DYSF: variants seen among roughly 807,000 people sequenced by gnomAD.
The protein encoded by DYSF is dysferlin.
DYSF carries 212 observed loss-of-function variants against 274.9 expected under a neutral mutation model. That is an observed-to-expected ratio of 0.77 (90% CI 0.69 to 0.86). The LOEUF is 0.86. DYSF is among the 40% of genes least tolerant of loss of function. The pLI, the probability that DYSF is intolerant of heterozygous loss-of-function variation, is 0.00. For synonymous variants in DYSF, 1,091 were observed against 1,078.7 expected (o/e 1.01, Z -0.22); for missense variants, 2,666 against 2,783.2 (o/e 0.96, Z 0.95).
At chr2:71,631,856 C>T (rs1287089387) in intron 41 of DYSF, among the ~76,000 whole-genome samples, 2 of 151,996 alleles carry the variant, frequency 1.3e-5, no homozygotes, top group African/African-American at 4.8e-5. Context: ...CTGCACACTG[C>T]AGGGGGGACA....
rs559621762 is a variant in DYSF at position 71,658,531 on chromosome 2, A to G, written c.4756-347A>G. Among the ~76,000 whole-genome samples the G allele has an allele frequency of 2.0e-5, 3 of 152,348 alleles. 1 individual carries two copies. Among genetic ancestry groups the G allele is most frequent in the South Asian group, 4.1e-4 (2 of 4,822 alleles). ...GATGAAGACATACCCAAGACTTGGA[A>G]GAAAAAGAGGTTTAATTGAACTTAC... On this transcript the variant is annotated intron_variant, in intron 43 of 55. Coordinates refer to ENST00000410020, the MANE Select transcript of DYSF (RefSeq NM_001130987.2).
At chr2:71,546,208 A>G (rs1219259520) in intron 17 of DYSF, among the ~76,000 whole-genome samples, 1 of 152,192 alleles carries the variant, frequency 6.6e-6, no homozygotes, top group East Asian at 1.9e-4. Flanking sequence ...CCCCCTCAGA[A>G]CGCGTCGCTC....
At chr2:71,652,954 C>T (rs528699298) in intron 42 of DYSF, among the ~76,000 whole-genome samples, 4 of 152,326 alleles carry the variant, frequency 2.6e-5, no homozygotes, top group African/African-American at 7.2e-5. Context: ...TCTTGCCTCA[C>T]GCTGGGTACC....
chr2:71,655,224 A>C, intron 42 of DYSF, among the ~76,000 whole-genome samples: 1 of 152,268 alleles, frequency 6.6e-6, no homozygotes, highest in East Asian at 1.9e-4. Context: ...ATAACTAGTT[A>C]TTTTTGAGAA....
intron 3 of DYSF, among the ~76,000 whole-genome samples, chr2:71,495,792 A>G (rs1319227932): frequency 6.6e-6 from 1 of 152,088 alleles, no homozygotes; most frequent in African/African-American, 2.4e-5. Flanking sequence ...GCCCGGAGTC[A>G]CTGGGGCAGG....
At chr2:71,565,944 A>T (rs943780378) in intron 24 of DYSF, among the ~76,000 whole-genome samples, 1 of 152,170 alleles carries the variant, frequency 6.6e-6, no homozygotes, top group Non-Finnish European at 1.5e-5. Context: ...CTGGAGGCCA[A>T]CTCAAGGCCA....
At chr2:71,600,963 G>A in intron 34 of DYSF, 121 bp downstream of exon 34, 1 of 1,360,916 alleles carries the variant, frequency 7.3e-7, no homozygotes, top group Non-Finnish European at 1.0e-6. Flanking sequence ...CCCATTTTCT[G>A]AACCCTAAGT....
At chr2:71,503,541 A>G (rs1461203993) in intron 4 of DYSF, among the ~76,000 whole-genome samples, 1 of 152,152 alleles carries the variant, frequency 6.6e-6, no homozygotes, top group Non-Finnish European at 1.5e-5. Context: ...GGCTCAAGTC[A>G]GCCTTGGCTC....
chr2:71,553,752 A>AAAG, intron 20 of DYSF, 55 bp from the exon 21 acceptor site: 1 of 267,804 alleles, frequency 3.7e-6, no homozygotes, highest in Non-Finnish European at 6.7e-6. Context: ...TTAGCACCCC[A>AAAG]TCCCACCCGC....
At chr2:71,551,441 C>T (rs945633895) in intron 18 of DYSF, among the ~76,000 whole-genome samples, 166 bp from the exon 19 acceptor site, 3 of 152,206 alleles carry the variant, frequency 2.0e-5, no homozygotes, top group African/African-American at 7.2e-5. Flanking sequence ...GTCATATCCC[C>T]CGAACTCTCT....
In DYSF at chr2:71,481,494, G is replaced by A. The variant is rs145921491; in HGVS notation, c.148-385G>A. Among the ~76,000 whole-genome samples, 1,134 of 152,344 alleles carry A rather than the reference G, an allele frequency of 7.4e-3. 16 individuals carry two copies. Among genetic ancestry groups the A allele is most frequent in the African/African-American group, 0.024 (1,012 of 41,584 alleles). On this transcript the variant is annotated intron_variant, in intron 2 of 55. Transcript: ENST00000410020. The stretch of plus-strand genomic sequence containing the variant: ...CTCGTGCTGCCTACCAGGGCCTGGC[G>A]TCTGGATGAGCCCAATAATCTTGGT...
chr2:71,621,807 G>A (rs1481686713), intron 41 of DYSF, among the ~76,000 whole-genome samples: 1 of 151,818 alleles, frequency 6.6e-6, no homozygotes, highest in African/African-American at 2.4e-5. Context: ...CTACAGGTGC[G>A]CAACACCACA....
chr2:71,571,572 CCA>C (rs1479502704), intron 29 of DYSF, among the ~76,000 whole-genome samples: 42 of 113,966 alleles, frequency 3.7e-4, no homozygotes, highest in African/African-American at 1.4e-3. Flanking sequence ...ATCACACCCA[CCA>C]CACACAGATC....
intron 1 of DYSF, among the ~76,000 whole-genome samples, chr2:71,469,413 G>A (rs1319789671): frequency 6.6e-6 from 1 of 151,366 alleles, no homozygotes; most frequent in Non-Finnish European, 1.5e-5. Context: ...CATAGGTGTT[G>A]TTTCTGTCAA....
At position 71,513,723 on chromosome 2, in the gene DYSF, A is replaced by T. The variant is rs1394054789; in HGVS notation, c.561A>T (p.Gly187=). The T allele has an allele frequency of 2.5e-6, 4 of 1,613,898 alleles. No individual in the cohort carries two copies. In the East Asian group the frequency reaches 8.9e-5, roughly 36 times the overall value. ...AGGGCCCTCTCCTCTTAGACACAGG[A>T]GGAGAGGAAGACACAGAGGACCAGG... is the stretch of plus-strand genomic sequence containing the variant. ...GKKWPAPTDT[G]GEEDTEDQGL... is the part of the protein sequence containing the mutation. Residue 187 remains glycine, a synonymous_variant, in exon 7 of 56, where the codon GGA becomes GGT. Coordinates refer to ENST00000410020, the MANE Select transcript of DYSF (RefSeq NM_001130987.2).
At chr2:71,567,518 C>T (rs941222074) in intron 24 of DYSF, among the ~76,000 whole-genome samples, 2 of 152,184 alleles carry the variant, frequency 1.3e-5, no homozygotes, top group Admixed American at 6.5e-5. Context: ...TTCAAATGCT[C>T]GGTAGCTACA....
intron 41 of DYSF, among the ~76,000 whole-genome samples, chr2:71,629,543 A>G (rs1402193940): frequency 6.6e-6 from 1 of 152,186 alleles, no homozygotes; most frequent in Non-Finnish European, 1.5e-5. Context: ...TGGAAGTTAC[A>G]TTCTTTTAGA....
chr2:71,579,499 G>A (rs1372986103), intron 30 of DYSF, among the ~76,000 whole-genome samples: 2 of 152,196 alleles, frequency 1.3e-5, no homozygotes, highest in African/African-American at 2.4e-5. Context: ...GTATGATCTG[G>A]TGTAAGGGCC....
At chr2:71,584,492 A>G (rs1479795123) in intron 30 of DYSF, among the ~76,000 whole-genome samples, 1 of 151,962 alleles carries the variant, frequency 6.6e-6, no homozygotes, top group Admixed American at 6.6e-5. Context: ...CCCTTTTTCC[A>G]TAGTAACATC....
Sources: allele counts gnomAD v4.1 joint callset (sites outside exome capture counted in the v4.1 genomes callset), GRCh38; gene constraint gnomAD v4.1.1; transcripts MANE v1.5; gene names NCBI Gene and HGNC (gene_info 2026-07-23, HGNC 2026-07-21).